The following EXPH5 variants were observed in gnomAD, a reference collection of about 807,000 sequenced individuals.
The protein encoded by EXPH5 is exophilin 5.
Under a neutral mutation model 41.1 loss-of-function variants are expected in EXPH5, and 42 were observed. The ratio of observed to expected loss-of-function variants is 1.02; its 90% CI spans 0.80 to 1.32. The LOEUF (loss-of-function observed/expected upper bound fraction) is 1.32, where lower values mean the gene tolerates loss of function less well. Ranked by LOEUF, EXPH5 falls within the 40% of genes most tolerant of loss-of-function variation. The probability of loss-of-function intolerance (pLI) is 0.00; values close to 1 mark genes in which losing one functional copy is unlikely to be tolerated. For missense variants in EXPH5, 2,298 were observed against 2,314.5 expected (o/e 0.99, Z 0.15); for synonymous variants, 798 against 833.5 (o/e 0.96, Z 0.73).
intron 4 of EXPH5, among the ~76,000 whole-genome samples, chr11:108,521,095 T>C (rs911009487): frequency 6.6e-6 from 1 of 152,146 alleles, no homozygotes; most frequent in African/African-American, 2.4e-5. Flanking sequence ...TTTCCAGTCT[T>C]TATTTTCAGC....
chr11:108,539,694 T>C (rs2093901647), intron 2 of EXPH5, among the ~76,000 whole-genome samples: 1 of 152,188 alleles, frequency 6.6e-6, no homozygotes, highest in Non-Finnish European at 1.5e-5. Context: ...ACATATGTGT[T>C]TGCATGTAAC....
At chr11:108,558,800 G>C (rs1393258576) in intron 1 of EXPH5, among the ~76,000 whole-genome samples, 1 of 152,212 alleles carries the variant, frequency 6.6e-6, no homozygotes, top group Non-Finnish European at 1.5e-5. Flanking sequence ...GAGGCGGAAA[G>C]TTTACACTGG....
At chr11:108,545,739 CA>C (rs1466811371) in intron 1 of EXPH5, among the ~76,000 whole-genome samples, 1 of 152,012 alleles carries the variant, frequency 6.6e-6, no homozygotes, top group East Asian at 1.9e-4. Context: ...CCCACTTCTA[CA>C]AAAAATTTTA....
chr11:108,549,950 T>C (rs942661165), intron 1 of EXPH5, among the ~76,000 whole-genome samples: 6 of 152,326 alleles, frequency 3.9e-5, no homozygotes, highest in African/African-American at 1.4e-4. Context: ...GGAAAGTGGA[T>C]GAACAGGTAC....
upstream of EXPH5, among the ~76,000 whole-genome samples, chr11:108,593,914 T>C (rs2094134849): frequency 7.1e-6 from 1 of 141,822 alleles, no homozygotes; most frequent in African/African-American, 2.6e-5. Flanking sequence ...CCTATCTGAG[T>C]TGTTAAGCAA....
At position 108,593,507 on chromosome 11, in the gene EXPH5, G is replaced by A; in HGVS notation, c.30C>T (p.Phe10=). 1 of 1,614,188 alleles carries A rather than the reference G, an allele frequency of 6.2e-7. No homozygotes were observed. The highest frequency in any genetic ancestry group is 8.5e-7 in the Non-Finnish European group (1 of 1,180,028). Residue 10 remains phenylalanine (F), a synonymous_variant, in exon 1 of 6, where the codon TTC becomes TTT. Coordinates refer to ENST00000265843, the MANE Select transcript of EXPH5 (RefSeq NM_015065.3). MTKVPPAFD[F]SFLNDEEARK... ...TGGCCTCTTCGTCATTTAAGAAACT[G>A]AAATCAAACGCCGGAGGAACTTTCG...
rs1358917545 is a variant in EXPH5 at position 108,539,191 on chromosome 11, A to G, written c.281-5T>C. ...ATGTAGGTAATTCTATCGGATCTAGAAAAAAAAATTGTAAAAATTTTGCAT... is the reference window on the plus strand; with the variant it reads ...ATGTAGGTAATTCTATCGGATCTAGGAAAAAAAATTGTAAAAATTTTGCAT... On this transcript the variant is annotated splice_region_variant and splice_polypyrimidine_tract_variant and intron_variant, in intron 2 of 5. Transcript: ENST00000265843. 1 of 1,535,222 alleles carries G rather than the reference A, an allele frequency of 6.5e-7. No individual in the cohort carries two copies. Among genetic ancestry groups the G allele is most frequent in the East Asian group, 2.3e-5 (1 of 43,732 alleles).
chr11:108,599,422 T>C, the EXPH5 span, among the ~76,000 whole-genome samples: 1 of 152,208 alleles, frequency 6.6e-6, no homozygotes, highest in African/African-American at 2.4e-5. Flanking sequence ...TATATACAAA[T>C]GCATACTCAT....
intron 5 of EXPH5, among the ~76,000 whole-genome samples, chr11:108,515,367 T>C (rs900248921): frequency 6.6e-6 from 1 of 152,206 alleles, no homozygotes; most frequent in Non-Finnish European, 1.5e-5. Flanking sequence ...GAAATGAACC[T>C]CTGTAAGTAG....
At chr11:108,591,183 T>C (rs904827425) in intron 1 of EXPH5, among the ~76,000 whole-genome samples, 1 of 152,230 alleles carries the variant, frequency 6.6e-6, no homozygotes, top group African/African-American at 2.4e-5. Context: ...TTTGTTGTTG[T>C]TCACATATGC....
In EXPH5 at chr11:108,507,457, A is replaced by G. The variant is rs1469253604; in HGVS notation, c.*2080T>C. On this transcript the variant is annotated 3_prime_UTR_variant, in exon 6 of 6. Transcript: ENST00000265843. Reference sequence around the variant, plus strand: ...TTAGGTCGCGAAGCAAATATAAACCAAGCAAGATAAAATCCACTCATGTTG... The same window carrying G: ...TTAGGTCGCGAAGCAAATATAAACCGAGCAAGATAAAATCCACTCATGTTG... 1 of 152,208 alleles carries G rather than the reference A, an allele frequency of 6.6e-6. No individual in the cohort carries two copies. Among genetic ancestry groups the G allele is most frequent in the Non-Finnish European group, 1.5e-5 (1 of 68,032 alleles). The allele number at this position is 152,208 out of a possible 1,614,324, so 9.4% of individuals were successfully genotyped here. A position where few individuals can be genotyped will look rare whatever the true frequency, so the allele number is the denominator to read the frequency against.
intron 1 of EXPH5, among the ~76,000 whole-genome samples, chr11:108,549,906 G>A (rs2093955803): frequency 1.3e-5 from 2 of 152,230 alleles, no homozygotes; most frequent in South Asian, 4.1e-4. Context: ...CTTAGGAGGT[G>A]GGGTCTCTTT....
chr11:108,552,445 T>C (rs994538384), intron 1 of EXPH5, among the ~76,000 whole-genome samples: 2 of 152,116 alleles, frequency 1.3e-5, no homozygotes, highest in African/African-American at 2.4e-5. Flanking sequence ...TGGTAAACTT[T>C]ATAAAGTAAG....
intron 1 of EXPH5, among the ~76,000 whole-genome samples, chr11:108,546,080 T>TTTCCAGGCAG: frequency 1.3e-5 from 2 of 151,644 alleles, no homozygotes; most frequent in South Asian, 4.2e-4. Context: ...GGCAGAGGGG[T>TTTCCAGGCAG]AGCCTCTGTA....
chr11:108,605,235 T>C, the EXPH5 span, among the ~76,000 whole-genome samples: 1 of 151,982 alleles, frequency 6.6e-6, no homozygotes, highest in Non-Finnish European at 1.5e-5. Flanking sequence ...CCATAAAGAG[T>C]TGATCACAAA....
At chr11:108,588,717 T>C (rs1303950372) in intron 1 of EXPH5, among the ~76,000 whole-genome samples, 1 of 152,242 alleles carries the variant, frequency 6.6e-6, no homozygotes, top group African/African-American at 2.4e-5. Flanking sequence ...GTATTTGCTT[T>C]ATCAGGTTGA....
At chr11:108,559,124 C>T (rs1286776301) in intron 1 of EXPH5, among the ~76,000 whole-genome samples, 6 of 152,160 alleles carry the variant, frequency 3.9e-5, no homozygotes, top group Non-Finnish European at 7.3e-5. Context: ...TCTTGAGTCT[C>T]TGTACTTTTT....
At position 108,562,474 on chromosome 11, in the gene EXPH5, T is replaced by C. The variant is rs573699911; in HGVS notation, c.120-20662A>G. On this transcript the variant is annotated intron_variant, in intron 1 of 5. Transcript: ENST00000265843. ...GAATACAAAAATTAGCTGGGTATGC[T>C]GGTGCATACCTGTAGTCCCAGCTAC... Among the ~76,000 whole-genome samples, 3 of 151,346 alleles carry C rather than the reference T, an allele frequency of 2.0e-5. No individual in the cohort carries two copies. In the South Asian group the frequency reaches 6.3e-4, roughly 32 times the overall value.
chr11:108,524,690 A>G (rs1207063403), intron 4 of EXPH5, among the ~76,000 whole-genome samples: 1 of 152,224 alleles, frequency 6.6e-6, no homozygotes, highest in Non-Finnish European at 1.5e-5. Context: ...AACAGCTGTC[A>G]GAGCTGAAGC....
Sources: allele counts gnomAD v4.1 joint callset (sites outside exome capture counted in the v4.1 genomes callset), GRCh38; gene constraint gnomAD v4.1.1; transcripts MANE v1.5; gene names NCBI Gene and HGNC (gene_info 2026-07-23, HGNC 2026-07-21).